The following BMPR1B variants were observed in gnomAD, a reference collection of about 807,000 sequenced individuals.
BMPR1B encodes bone morphogenetic protein receptor type-1B.
A neutral mutation model predicts 59.1 loss-of-function variants in BMPR1B; 12 were observed. The ratio of observed to expected loss-of-function variants is 0.20; its 90% CI spans 0.13 to 0.33. The LOEUF is 0.33. Among genes scored for constraint, BMPR1B ranks in the 10% least tolerant of loss-of-function variants. BMPR1B has a pLI of 1.00. For missense variants in BMPR1B, 550 were observed against 610.9 expected (o/e 0.90, Z 1.05); for synonymous variants, 237 against 207.3 (o/e 1.14, Z -1.23).
chr4:94,788,301 G>A (rs1722836224), intron 1 of BMPR1B, among the ~76,000 whole-genome samples: 1 of 152,172 alleles, frequency 6.6e-6, no homozygotes, highest in Non-Finnish European at 1.5e-5. Context: ...CCAATGAACT[G>A]TGAACACCAG....
chr4:95,056,083 G>T (rs2149196676), intron 3 of BMPR1B, among the ~76,000 whole-genome samples: 1 of 152,260 alleles, frequency 6.6e-6, no homozygotes, highest in East Asian at 1.9e-4. Context: ...TCAAATAAGA[G>T]AAAATATTGA....
chr4:94,832,228 T>C (rs1406680655), intron 1 of BMPR1B, among the ~76,000 whole-genome samples: 1 of 152,124 alleles, frequency 6.6e-6, no homozygotes, highest in Non-Finnish European at 1.5e-5. Flanking sequence ...AGAGAAATGG[T>C]GTACAGGTTT....
intron 2 of BMPR1B, among the ~76,000 whole-genome samples, chr4:94,934,113 T>A (rs1435609703): frequency 6.6e-6 from 1 of 152,164 alleles, no homozygotes; most frequent in Non-Finnish European, 1.5e-5. Flanking sequence ...TTTGGAAATA[T>A]GTGATTTGGT....
At chr4:95,118,803 CA>C (rs1732258890) in intron 6 of BMPR1B, among the ~76,000 whole-genome samples, 1 of 152,046 alleles carries the variant, frequency 6.6e-6, no homozygotes, top group Non-Finnish European at 1.5e-5. Flanking sequence ...CCAGCAGAAA[CA>C]AAAGGTTTAT....
intron 2 of BMPR1B, among the ~76,000 whole-genome samples, chr4:94,888,455 AT>A (rs1273481013): frequency 1.3e-5 from 2 of 152,084 alleles, no homozygotes; most frequent in African/African-American, 4.8e-5. Flanking sequence ...GGACCATATG[AT>A]TTTTCATAAT....
At chr4:95,102,542 A>G (rs940044285) in intron 3 of BMPR1B, among the ~76,000 whole-genome samples, 11 of 152,196 alleles carry the variant, frequency 7.2e-5, no homozygotes, top group Non-Finnish European at 1.5e-4. Context: ...TACTTGGTCT[A>G]CTGAGGTGAC....
chr4:94,825,236 C>G (rs1449047652), intron 1 of BMPR1B, among the ~76,000 whole-genome samples: 1 of 152,272 alleles, frequency 6.6e-6, no homozygotes, highest in East Asian at 1.9e-4. Flanking sequence ...GGTGTGGTAG[C>G]TCATGCCTGT....
intron 2 of BMPR1B, among the ~76,000 whole-genome samples, chr4:94,876,372 C>T (rs1012350904): frequency 1.3e-5 from 2 of 152,126 alleles, no homozygotes; most frequent in African/African-American, 4.8e-5. Context: ...AAACAGGTGG[C>T]GTGGACTTCA....
chr4:95,131,901 T>C (rs937417707), intron 10 of BMPR1B, among the ~76,000 whole-genome samples: 2 of 152,230 alleles, frequency 1.3e-5, no homozygotes, highest in African/African-American at 4.8e-5. Flanking sequence ...ATAACTTGCA[T>C]AGATGTTTTG....
intron 10 of BMPR1B, among the ~76,000 whole-genome samples, chr4:95,134,673 G>C (rs1257680596): frequency 6.6e-6 from 1 of 152,180 alleles, no homozygotes; most frequent in African/African-American, 2.4e-5. Flanking sequence ...CTTCTTTTGA[G>C]AAGTGTCTGT....
intron 3 of BMPR1B, among the ~76,000 whole-genome samples, chr4:95,081,420 A>T (rs916014186): frequency 2.0e-5 from 3 of 152,196 alleles, no homozygotes; most frequent in Admixed American, 6.5e-5. Context: ...GAATGAATTG[A>T]GCTTGCCAGT....
chr4:94,935,490 A>G lies in BMPR1B; in HGVS notation c.-113+59590A>G, dbSNP rs114135358. On this transcript the variant is annotated intron_variant, in intron 2 of 12. Coordinates refer to ENST00000515059, the MANE Select transcript of BMPR1B (RefSeq NM_001203.3). ...CCATCCCTCCTACAGCTTGCCTTTC[A>G]GTAGTGGAAGTCACACTTAAAGTAA... 2.8e-3 allele frequency among the ~76,000 whole-genome samples: 423 copies of G among 152,324 alleles called. 1 individual carries two copies. The highest frequency in any genetic ancestry group is 9.6e-3 in the African/African-American group (400 of 41,568).
At chr4:94,907,576 A>G (rs2149007656) in intron 2 of BMPR1B, among the ~76,000 whole-genome samples, 1 of 152,142 alleles carries the variant, frequency 6.6e-6, no homozygotes, top group East Asian at 1.9e-4. Flanking sequence ...ATGTAAATCA[A>G]GAAATGCCTT....
intron 3 of BMPR1B, among the ~76,000 whole-genome samples, chr4:95,033,031 C>T (rs1724990351): frequency 6.6e-6 from 1 of 152,112 alleles, no homozygotes; most frequent in Admixed American, 6.6e-5. Context: ...GAGGTAGTAT[C>T]TCATTGTGGT....
intron 2 of BMPR1B, among the ~76,000 whole-genome samples, chr4:94,902,723 A>G (rs974522596): frequency 3.9e-5 from 6 of 152,016 alleles, no homozygotes; most frequent in East Asian, 3.9e-4. Context: ...CTTTGAATAT[A>G]TTAAATTTAA....
In BMPR1B at chr4:95,033,945, G is replaced by A. The variant is rs376403559; in HGVS notation, c.-18+37811G>A. Among the ~76,000 whole-genome samples the A allele has an allele frequency of 6.6e-5, 10 of 152,204 alleles. No individual in the cohort carries two copies. The South Asian group carries it at 1.7e-3, about 25-fold the overall frequency. ...GTATTATGGAAGTTCAGAAGAGGAA[G>A]CAATTATTTCTGCTGAGATTACCAA... is the stretch of plus-strand genomic sequence containing the variant. On this transcript the variant is annotated intron_variant, in intron 3 of 12. Transcript: ENST00000515059.
intron 1 of BMPR1B, among the ~76,000 whole-genome samples, chr4:94,794,288 T>A (rs1215649756): frequency 1.3e-5 from 2 of 150,908 alleles, no homozygotes; most frequent in East Asian, 3.9e-4. Flanking sequence ...CCTTTCCCCA[T>A]TGCTTGTTTT....
chr4:95,032,746 A>G (rs993654717), intron 3 of BMPR1B, among the ~76,000 whole-genome samples: 3 of 152,154 alleles, frequency 2.0e-5, no homozygotes, highest in Non-Finnish European at 4.4e-5. Flanking sequence ...AGTGTAGACC[A>G]CATTTCATTT....
chr4:95,022,055 G>T (rs939422948), intron 3 of BMPR1B, among the ~76,000 whole-genome samples: 2 of 152,146 alleles, frequency 1.3e-5, no homozygotes, highest in African/African-American at 2.4e-5. Context: ...TAGGACGGGC[G>T]CAGTGGCTAG....
Sources: allele counts gnomAD v4.1 joint callset (sites outside exome capture counted in the v4.1 genomes callset), GRCh38; gene constraint gnomAD v4.1.1; transcripts MANE v1.5; gene names NCBI Gene and HGNC (gene_info 2026-07-23, HGNC 2026-07-21).